KLF12: variants seen among roughly 807,000 people sequenced by gnomAD.
KLF12 encodes KLF transcription factor 12, also known as Krueppel-like factor 12.
KLF12 carries 9 observed loss-of-function variants against 37.8 expected under a neutral mutation model. That is an observed-to-expected ratio of 0.24 (90% confidence interval 0.14 to 0.42). The LOEUF is 0.42. Among genes scored for constraint, KLF12 ranks in the 10% least tolerant of loss-of-function variants. The pLI is 1.00. For synonymous variants in KLF12, 208 were observed against 202.1 expected (o/e 1.03, Z -0.25); for missense variants, 411 against 516.0 (o/e 0.80, Z 1.97).
At chr13:73,855,585 G>T (rs1340231511) in intron 3 of KLF12, among the ~76,000 whole-genome samples, 2 of 152,136 alleles carry the variant, frequency 1.3e-5, no homozygotes. Context: ...TTGATAGAAT[G>T]ACTTATATTC....
chr13:74,068,065 A>G (rs1446557140), intron 1 of KLF12, among the ~76,000 whole-genome samples: 2 of 152,214 alleles, frequency 1.3e-5, no homozygotes, highest in Non-Finnish European at 2.9e-5. Context: ...CTCCTCTCTG[A>G]GCAGACCGAG....
At chr13:74,096,778 A>G (rs940167329) in intron 1 of KLF12, among the ~76,000 whole-genome samples, 3 of 152,306 alleles carry the variant, frequency 2.0e-5, no homozygotes, top group Middle Eastern at 3.4e-3. Flanking sequence ...AGATACATAG[A>G]ATGCCAATTT....
chr13:74,173,243 A>G, the KLF12 span, among the ~76,000 whole-genome samples: 4 of 152,228 alleles, frequency 2.6e-5, no homozygotes, highest in Admixed American at 6.5e-5. Context: ...CTACCATGCC[A>G]GTGGAGAAAG....
the KLF12 span, among the ~76,000 whole-genome samples, chr13:74,221,043 GC>G: frequency 7.6e-5 from 11 of 145,128 alleles, no homozygotes; most frequent in East Asian, 2.0e-4. Flanking sequence ...TGGCTCTGTC[GC>G]CCCAGGCTGG....
the KLF12 span, among the ~76,000 whole-genome samples, chr13:74,294,341 G>A: frequency 6.6e-6 from 1 of 152,106 alleles, no homozygotes; most frequent in Admixed American, 6.6e-5. Context: ...AATGTCACAT[G>A]TTTGGTTTTC....
intron 1 of KLF12, among the ~76,000 whole-genome samples, chr13:74,002,044 A>G (rs1892294328): frequency 1.3e-5 from 2 of 152,238 alleles, no homozygotes; most frequent in East Asian, 3.8e-4. Context: ...ACATGTTGAC[A>G]TAGTGGTCCA....
the KLF12 span, among the ~76,000 whole-genome samples, chr13:74,168,085 A>G: frequency 6.6e-6 from 1 of 152,356 alleles, no homozygotes; most frequent in Non-Finnish European, 1.5e-5. Context: ...CATTTCCTAT[A>G]TAAATTGAGG....
intron 2 of KLF12, among the ~76,000 whole-genome samples, chr13:73,944,884 C>T (rs1890348536): frequency 6.6e-6 from 1 of 152,198 alleles, no homozygotes; most frequent in African/African-American, 2.4e-5. Context: ...CAGTGCTCGC[C>T]TAAGGCCCAA....
chr13:74,006,938 C>T (rs541200289), intron 1 of KLF12, among the ~76,000 whole-genome samples: 9 of 152,272 alleles, frequency 5.9e-5, no homozygotes, highest in Middle Eastern at 3.4e-3. Context: ...TATTTCATCA[C>T]GATAATCCCA....
chr13:74,215,612 T>C, the KLF12 span, among the ~76,000 whole-genome samples: 1,789 of 152,284 alleles, frequency 0.012, 42 homozygotes, highest in African/African-American at 0.041. Flanking sequence ...CTGTTAGAGC[T>C]TGCCACCTGA....
chr13:73,949,849 CT>C (rs1279759752), intron 2 of KLF12, among the ~76,000 whole-genome samples: 1 of 152,144 alleles, frequency 6.6e-6, no homozygotes, highest in African/African-American at 2.4e-5. Flanking sequence ...ATCTTACATT[CT>C]TTTGCATCTT....
chr13:74,029,454 A>T (rs2138473847), intron 1 of KLF12, among the ~76,000 whole-genome samples: 1 of 152,254 alleles, frequency 6.6e-6, no homozygotes, highest in Non-Finnish European at 1.5e-5. Context: ...TGGTACAGGC[A>T]TGTTATCTGG....
At chr13:73,963,749 A>G (rs1891095063) in intron 2 of KLF12, among the ~76,000 whole-genome samples, 1 of 152,226 alleles carries the variant, frequency 6.6e-6, no homozygotes, top group Non-Finnish European at 1.5e-5. Context: ...GACATAGAAA[A>G]TAAGTTGTCA....
At chr13:74,204,891 C>T in the KLF12 span, among the ~76,000 whole-genome samples, 38 of 152,182 alleles carry the variant, frequency 2.5e-4, no homozygotes, top group African/African-American at 8.4e-4. Flanking sequence ...TTTATTGCCA[C>T]TATTGCAAAT....
chr13:74,015,031 C>G (rs1026646316), intron 1 of KLF12, among the ~76,000 whole-genome samples: 1 of 151,920 alleles, frequency 6.6e-6, no homozygotes, highest in Non-Finnish European at 1.5e-5. Flanking sequence ...ATGATCATAG[C>G]TGGATAGAGG....
chr13:73,827,120 T>A (rs917301649), intron 4 of KLF12, among the ~76,000 whole-genome samples: 1 of 152,210 alleles, frequency 6.6e-6, no homozygotes, highest in Non-Finnish European at 1.5e-5. Context: ...CATTTAACAT[T>A]GTATTTTTGA....
chr13:74,236,041 C>G, the KLF12 span, among the ~76,000 whole-genome samples: 2 of 149,044 alleles, frequency 1.3e-5, no homozygotes, highest in African/African-American at 5.0e-5. Flanking sequence ...GTGCGCTGCA[C>G]CCACTAACTC....
the KLF12 span, among the ~76,000 whole-genome samples, chr13:74,233,289 C>A: frequency 0.034 from 5,128 of 152,166 alleles, 120 homozygotes; most frequent in Middle Eastern, 0.071. Context: ...TTCTTCAGGG[C>A]CCTTCTGATC....
chr13:73,911,845 A>G (rs1359543041), intron 3 of KLF12, among the ~76,000 whole-genome samples: 1 of 152,210 alleles, frequency 6.6e-6, no homozygotes, highest in African/African-American at 2.4e-5. Context: ...TTCCAAAGCA[A>G]ATACCATATA....
Sources: gnomAD v4.1 joint callset for allele counts (sites outside exome capture counted in the v4.1 genomes callset) on GRCh38, gnomAD v4.1.1 for gene constraint, MANE v1.5 for transcripts, NCBI Gene and HGNC (gene_info 2026-07-23, HGNC 2026-07-21) for gene names.